CBR4: variants seen among roughly 807,000 people sequenced by gnomAD.
CBR4 encodes carbonyl reductase 4.
In CBR4, 22 loss-of-function variants were observed where a neutral mutation model predicts 21.0. The observed-to-expected ratio is 1.05, with a 90% CI of 0.75 to 1.50. The LOEUF (loss-of-function observed/expected upper bound fraction) is 1.50, where lower values mean the gene tolerates loss of function less well. CBR4 is among the 40% of genes most tolerant of loss of function. The pLI, the probability that CBR4 is intolerant of heterozygous loss-of-function variation, is 0.00. For synonymous variants in CBR4, 100 were observed against 104.4 expected (o/e 0.96, Z 0.26); for missense variants, 302 against 286.3 (o/e 1.05, Z -0.40).
At chr4:168,983,267 C>A (rs1367831277), downstream of CBR4, among the ~76,000 whole-genome samples, 1 of 151,882 alleles carries the variant, frequency 6.6e-6, no homozygotes. Context: ...TTTTTTTAAT[C>A]CTCAGAGACC....
chr4:168,983,409 A>C (rs898071224), downstream of CBR4, among the ~76,000 whole-genome samples: 2 of 152,112 alleles, frequency 1.3e-5, no homozygotes, highest in Non-Finnish European at 2.9e-5. Context: ...ACAGTGAGTA[A>C]ATCAGTAATA....
At chr4:168,931,916 C>T (rs1316959826) in intron 2 of CBR4, among the ~76,000 whole-genome samples, 1 of 151,530 alleles carries the variant, frequency 6.6e-6, no homozygotes, top group African/African-American at 2.4e-5. Context: ...CCCTAACTGA[C>T]ACTATAAGAT....
intron 2 of CBR4, among the ~76,000 whole-genome samples, chr4:168,970,905 T>G (rs1764188397): frequency 1.3e-5 from 2 of 152,108 alleles, no homozygotes; most frequent in Admixed American, 1.3e-4. Flanking sequence ...GGTTCCAGAT[T>G]TTTGCAATTG....
intron 2 of CBR4, among the ~76,000 whole-genome samples, chr4:168,904,813 A>T (rs1196145526): frequency 3.9e-5 from 6 of 152,162 alleles, no homozygotes; most frequent in African/African-American, 1.2e-4. Context: ...AATAATTTTA[A>T]TGACACTACA....
At position 169,007,775 on chromosome 4, in the gene CBR4, TAAG is replaced by T; in HGVS notation, c.143-22_143-20del. On this transcript the variant is annotated intron_variant, in intron 1 of 4. Transcript: ENST00000306193. ...TGATCTCCTACACAACAAAGTTAAA[TAAG>T]AATTACTTATAACTCAAATTTTAAA... 4 of 1,548,914 alleles carry T rather than the reference TAAG, an allele frequency of 2.6e-6. No individual in the cohort carries two copies. The highest frequency in any genetic ancestry group is 3.5e-6 in the Non-Finnish European group (4 of 1,147,750).
chr4:168,950,421 T>A (rs904548838), intron 2 of CBR4, among the ~76,000 whole-genome samples: 2 of 152,194 alleles, frequency 1.3e-5, no homozygotes, highest in African/African-American at 4.8e-5. Context: ...CCTTTTGGAG[T>A]TGATTTACAG....
rs756780025 is a variant in CBR4, at chr4:169,006,864, A to T, written c.291T>A (p.Thr97=). The T allele has an allele frequency of 1.7e-5, 27 of 1,612,946 alleles. No homozygotes were observed. The Middle Eastern group carries it at 4.9e-4, about 29-fold the overall frequency. ...TATGAAGCTGAGATACCATATCTTC[A>T]GTTTTTGTTCTTACTAAAAGACCAT... ...NRDGLLVRTK[T]EDMVSQLHTN... Residue 97 remains threonine, a synonymous_variant, in exon 3 of 5, where the codon ACT becomes ACA. Coordinates refer to ENST00000306193, the MANE Select transcript of CBR4 (RefSeq NM_032783.5).
intron 2 of CBR4, among the ~76,000 whole-genome samples, chr4:168,911,670 T>C (rs1758983644): frequency 6.6e-6 from 1 of 152,224 alleles, no homozygotes; most frequent in African/African-American, 2.4e-5. Flanking sequence ...AATTAATTTT[T>C]AGATTTCAGG....
At chr4:168,993,060 C>T (rs1238254929) in intron 4 of CBR4, among the ~76,000 whole-genome samples, 2 of 152,174 alleles carry the variant, frequency 1.3e-5, no homozygotes, top group East Asian at 3.8e-4. Context: ...GATATTGATA[C>T]TAGCCTCTGC....
Position 168,988,528 on chromosome 4 carries a change from A to G in CBR4, c.*1622T>C, listed in dbSNP as rs558850007. 27 of 985,416 alleles carry G rather than the reference A, an allele frequency of 2.7e-5. No homozygotes were observed. The East Asian group carries it at 2.8e-3, about 104-fold the overall frequency. The allele number at this position is 985,416 out of a possible 1,614,324, so 61.0% of individuals were successfully genotyped here. On this transcript the variant is annotated 3_prime_UTR_variant, in exon 5 of 5. Transcript: ENST00000306193. ...AAAGGCCAGCAATTGAGACAGCATT[A>G]GAGAAACTATCTACTATGTCTGAAT...
intron 4 of CBR4, among the ~76,000 whole-genome samples, chr4:168,997,586 C>T (rs1579007706): frequency 6.6e-6 from 1 of 152,032 alleles, no homozygotes; most frequent in Non-Finnish European, 1.5e-5. Context: ...AGAATGAAAC[C>T]CCATCTCAAA....
chr4:168,976,912 G>T (rs909887916), intron 2 of CBR4, among the ~76,000 whole-genome samples: 1 of 152,202 alleles, frequency 6.6e-6, no homozygotes, highest in Non-Finnish European at 1.5e-5. Flanking sequence ...CAGGTCACAG[G>T]GGATATGATG....
At chr4:168,956,597 C>CA (rs59962690) in intron 2 of CBR4, among the ~76,000 whole-genome samples, 2,499 of 29,642 alleles carry the variant, frequency 0.084, 664 homozygotes, top group East Asian at 0.34. Context: ...GACCCTGTCT[C>CA]AAAAAAAAAA....
chr4:168,945,870 G>A (rs756112906), intron 2 of CBR4, among the ~76,000 whole-genome samples: 2 of 152,072 alleles, frequency 1.3e-5, no homozygotes, highest in Admixed American at 6.6e-5. Flanking sequence ...GGAGACAAAC[G>A]CTAGAAAGCA....
intron 2 of CBR4, among the ~76,000 whole-genome samples, chr4:168,914,600 A>G (rs1759721496): frequency 1.3e-5 from 2 of 151,970 alleles, no homozygotes; most frequent in African/African-American, 4.9e-5. Flanking sequence ...TGATGGAACA[A>G]TGGTAGGCAG....
At chr4:168,916,127 T>C in intron 2 of CBR4, 1 of 1,207,512 alleles carries the variant, frequency 8.3e-7, no homozygotes, top group South Asian at 1.2e-5. Flanking sequence ...AAGTATAAAA[T>C]GAGAGCTGGG....
At chr4:168,947,608 C>A (rs1006642942) in intron 2 of CBR4, among the ~76,000 whole-genome samples, 4 of 152,210 alleles carry the variant, frequency 2.6e-5, no homozygotes, top group African/African-American at 9.7e-5. Flanking sequence ...CATAGCTTAG[C>A]TCCCACATAT....
In CBR4 at chr4:168,987,718, C is replaced by T; in HGVS notation, c.*2432G>A. The T allele has an allele frequency of 1.0e-6, 1 of 984,584 alleles. No individual in the cohort carries two copies. The highest frequency in any genetic ancestry group is 1.7e-5 in the African/African-American group (1 of 57,316). The allele number at this position is 984,584 out of a possible 1,614,324, so 61.0% of individuals were successfully genotyped here. A position where few individuals can be genotyped will look rare whatever the true frequency, so the allele number is the denominator to read the frequency against. ...AAAATGTTTCACCAATGTTAAGGTA[C>T]AACTCTTGAATATGCAGCGTAGTCT... On this transcript the variant is annotated 3_prime_UTR_variant, in exon 5 of 5. Coordinates refer to ENST00000306193, the MANE Select transcript of CBR4 (RefSeq NM_032783.5).
chr4:169,001,249 C>T (rs1233486506), intron 4 of CBR4: 1 of 151,768 alleles, frequency 6.6e-6, no homozygotes, highest in Non-Finnish European at 1.5e-5. Context: ...CAGCCTCCCA[C>T]ATGAGCTACC....
Sources: gnomAD v4.1 joint callset for allele counts (sites outside exome capture counted in the v4.1 genomes callset) on GRCh38, gnomAD v4.1.1 for gene constraint, MANE v1.5 for transcripts, NCBI Gene and HGNC (gene_info 2026-07-23, HGNC 2026-07-21) for gene names.